PAN3: variants seen among roughly 807,000 people sequenced by gnomAD.
PAN3 encodes the protein PAN2-PAN3 deadenylation complex subunit PAN3.
In PAN3, 19 loss-of-function variants were observed where a neutral mutation model predicts 96.2. That is an observed-to-expected ratio of 0.20 (90% confidence interval 0.14 to 0.29). The LOEUF is 0.29. Ranked by LOEUF, PAN3 falls within the 10% of genes least tolerant of loss-of-function variation. The probability of loss-of-function intolerance (pLI) is 1.00; values close to 1 mark genes in which losing one functional copy is unlikely to be tolerated. For missense variants in PAN3, 882 were observed against 1,108.1 expected, an observed-to-expected ratio of 0.80 and a Z score of 2.90; for synonymous variants, 433 against 406.6, an observed-to-expected ratio of 1.06 and a Z score of -0.78.
intron 17 of PAN3, among the ~76,000 whole-genome samples, chr13:28,287,725 T>C (rs1869165068): frequency 6.6e-6 from 1 of 152,238 alleles, no homozygotes; most frequent in Non-Finnish European, 1.5e-5. Flanking sequence ...TTTTATCTAA[T>C]GGTAGGGGCT....
At chr13:28,208,692 G>C (rs192848944) in intron 5 of PAN3, among the ~76,000 whole-genome samples, 87 of 152,198 alleles carry the variant, frequency 5.7e-4, no homozygotes, top group African/African-American at 2.1e-3. Context: ...TTTCTGATTA[G>C]GGATACCTAG....
chr13:28,154,846 A>T (rs1354042344), intron 1 of PAN3, among the ~76,000 whole-genome samples: 1 of 128,952 alleles, frequency 7.8e-6, no homozygotes, highest in Non-Finnish European at 1.6e-5. Context: ...TTTGAGACGG[A>T]GTCTCGCTCT....
intron 5 of PAN3, chr13:28,215,287 G>A: frequency 1.4e-6 from 1 of 715,340 alleles, no homozygotes; most frequent in Non-Finnish European, 2.6e-6. Context: ...AAAATTGGTG[G>A]TATTGGTACT....
intron 1 of PAN3, among the ~76,000 whole-genome samples, chr13:28,164,457 G>T (rs981532249): frequency 6.6e-6 from 1 of 152,220 alleles, no homozygotes; most frequent in Non-Finnish European, 1.5e-5. Context: ...TTTAGCGTGA[G>T]CATCGCCAGC....
chr13:28,254,271 T>C (rs1884968918), intron 6 of PAN3, among the ~76,000 whole-genome samples: 1 of 152,226 alleles, frequency 6.6e-6, no homozygotes, highest in Non-Finnish European at 1.5e-5. Context: ...ACAGTAATTA[T>C]TTTGATCTTT....
chr13:28,289,397 T>C (rs1246312574), intron 18 of PAN3, among the ~76,000 whole-genome samples: 3 of 151,188 alleles, frequency 2.0e-5, no homozygotes, highest in African/African-American at 7.3e-5. Flanking sequence ...CCCACCTCAG[T>C]CTCCTGAATA....
At chr13:28,152,599 A>G (rs932670425) in intron 1 of PAN3, among the ~76,000 whole-genome samples, 2 of 152,014 alleles carry the variant, frequency 1.3e-5, no homozygotes, top group African/African-American at 4.8e-5. Context: ...AAACCAAAAA[A>G]CAAAAAAAAA....
intron 7 of PAN3, among the ~76,000 whole-genome samples, chr13:28,257,749 TATATAATTAATTATATATTA>T: frequency 1.5e-5 from 2 of 137,584 alleles, no homozygotes; most frequent in Non-Finnish European, 3.1e-5. Context: ...TTATATATAA[TATATAATTAATTATATATTA>T]TATATAAATT....
intron 1 of PAN3, among the ~76,000 whole-genome samples, chr13:28,144,739 TCC>T (rs1566132448): frequency 1.0e-4 from 15 of 148,082 alleles, no homozygotes; most frequent in African/African-American, 3.3e-4. Context: ...TTTTTTTTTT[TCC>T]TCAGAGCCTC....
chr13:28,204,278 G>GTAA (rs969712830), intron 5 of PAN3, among the ~76,000 whole-genome samples: 4 of 152,134 alleles, frequency 2.6e-5, no homozygotes, highest in African/African-American at 9.7e-5. Context: ...TCACTGGATG[G>GTAA]TTACCTGTCA....
intron 6 of PAN3, among the ~76,000 whole-genome samples, chr13:28,230,474 A>G (rs1882426957): frequency 6.6e-6 from 1 of 152,126 alleles, no homozygotes; most frequent in African/African-American, 2.4e-5. Flanking sequence ...TTTTATTTAC[A>G]TGTTACACTT....
intron 6 of PAN3, among the ~76,000 whole-genome samples, chr13:28,251,576 C>G (rs1029976557): frequency 1.3e-5 from 2 of 152,204 alleles, no homozygotes; most frequent in African/African-American, 2.4e-5. Flanking sequence ...AGACGTCACC[C>G]CAGTCCTCCA....
intron 6 of PAN3, among the ~76,000 whole-genome samples, chr13:28,243,803 CT>C (rs1472416247): frequency 6.6e-6 from 1 of 152,154 alleles, no homozygotes; most frequent in Non-Finnish European, 1.5e-5. Flanking sequence ...ATTCTCCTGC[CT>C]CAGCCTCCTG....
chr13:28,194,324 G>A (rs370439964), intron 4 of PAN3, among the ~76,000 whole-genome samples: 1 of 150,984 alleles, frequency 6.6e-6, no homozygotes, highest in Non-Finnish European at 1.5e-5. Flanking sequence ...TTAAGTAAAC[G>A]TTCTTTGATA....
intron 4 of PAN3, among the ~76,000 whole-genome samples, chr13:28,195,650 C>T (rs1258176508): frequency 6.6e-6 from 1 of 152,066 alleles, no homozygotes. Context: ...ATTTTTCTGC[C>T]TCAGTCTCCC....
At chr13:28,243,888 A>G (rs772837378) in intron 6 of PAN3, among the ~76,000 whole-genome samples, 6 of 152,016 alleles carry the variant, frequency 3.9e-5, no homozygotes, top group Non-Finnish European at 8.8e-5. Flanking sequence ...GTATTTCACC[A>G]TGTTGGTCAG....
At chr13:28,138,413 A>T, upstream of PAN3, 1 of 244,140 alleles carries the variant, frequency 4.1e-6, no homozygotes, top group Non-Finnish European at 7.8e-6. Flanking sequence ...CCCCTTTAAG[A>T]AAAGAGAACG....
At chr13:28,235,696 TACACACACAC>T (rs34812975) in intron 6 of PAN3, among the ~76,000 whole-genome samples, 1 of 140,630 alleles carries the variant, frequency 7.1e-6, no homozygotes, top group Non-Finnish European at 1.5e-5. Context: ...CACACACACA[TACACACACAC>T]ACACACACAC....
At chr13:28,258,838 A>T (rs1035653806) in intron 7 of PAN3, among the ~76,000 whole-genome samples, 1 of 152,214 alleles carries the variant, frequency 6.6e-6, no homozygotes, top group Non-Finnish European at 1.5e-5. Context: ...GATCTTATAC[A>T]CATCCTCCTG....
Sources: allele counts gnomAD v4.1 joint callset (sites outside exome capture counted in the v4.1 genomes callset), GRCh38; gene constraint gnomAD v4.1.1; transcripts MANE v1.5; gene names NCBI Gene and HGNC (gene_info 2026-07-23, HGNC 2026-07-21).